Variants in LRRC4B observed in about 807,000 individuals in gnomAD.
LRRC4B encodes the protein leucine-rich repeat-containing protein 4B.
A neutral mutation model predicts 7.3 loss-of-function variants in LRRC4B; 1 was observed. The ratio of observed to expected loss-of-function variants is 0.14; its 90% confidence interval spans 0.05 to 0.65. The LOEUF is 0.65. LRRC4B is among the 30% of genes least tolerant of loss of function. The probability of loss-of-function intolerance (pLI) is 0.84; values close to 1 mark genes in which losing one functional copy is unlikely to be tolerated. For synonymous variants in LRRC4B, 500 were observed against 499.2 expected (o/e 1.00, Z -0.02); for missense variants, 730 against 1,041.6 (o/e 0.70, Z 4.12).
intron 2 of LRRC4B, among the ~76,000 whole-genome samples, chr19:50,525,649 A>G (rs1442345213): frequency 6.8e-6 from 1 of 148,068 alleles, no homozygotes; most frequent in African/African-American, 2.5e-5. Flanking sequence ...TGAACTCCTG[A>G]CCTCAGGTGA....
At chr19:50,527,341 CTT>C (rs1321559157) in intron 2 of LRRC4B, among the ~76,000 whole-genome samples, 1 of 121,084 alleles carries the variant, frequency 8.3e-6, no homozygotes, top group Admixed American at 1.0e-4. Flanking sequence ...TGTTTTCTTT[CTT>C]TTTTCTTTTT....
At chr19:50,539,715 C>G (rs1465713325) in intron 2 of LRRC4B, among the ~76,000 whole-genome samples, 1 of 151,648 alleles carries the variant, frequency 6.6e-6, no homozygotes, top group East Asian at 1.9e-4. Flanking sequence ...GGTGAAACCC[C>G]GTCTCTACCA....
chr19:50,553,242 G>A lies in LRRC4B; in HGVS notation c.-35-4369C>T, dbSNP rs1171821394. Among the ~76,000 whole-genome samples, 3 of 151,772 alleles carry A rather than the reference G, an allele frequency of 2.0e-5. No homozygotes were observed. Among genetic ancestry groups the A allele is most frequent in the Non-Finnish European group, 4.4e-5 (3 of 67,940 alleles). On this transcript the variant is annotated intron_variant, in intron 1 of 2. Coordinates refer to ENST00000652263, the MANE Select transcript of LRRC4B (RefSeq NM_001080457.2). This position sits in a 1 kb window ranked among gnomAD's most constrained non-coding sequence, Gnocchi z 4.2. The stretch of plus-strand genomic sequence containing the variant: ...ATTTCTGCCTTCACCCCCACTCCCC[G>A]TGCGTTCCCCACGGGCAGCGAGGGG...
chr19:50,557,671 A>C (rs1455813790), intron 1 of LRRC4B: 1 of 107,930 alleles, frequency 9.3e-6, no homozygotes, highest in Admixed American at 1.3e-4. Flanking sequence ...AATTAACAGC[A>C]GGTTTCAGAA....
chr19:50,564,382 A>G (rs909898471), intron 1 of LRRC4B, among the ~76,000 whole-genome samples: 1 of 151,994 alleles, frequency 6.6e-6, no homozygotes, highest in Non-Finnish European at 1.5e-5. Context: ...ACGGGGAAGG[A>G]GCAGGGGAGG....
At position 50,517,631 on chromosome 19, in the gene LRRC4B, G is replaced by A; in HGVS notation, c.2082C>T (p.Ile694=). The change falls in exon 3 of 3, where the codon ATC becomes ATT. Residue 694 remains isoleucine, a synonymous_variant. Transcript: ENST00000652263. The surrounding 1 kb of genome is among the most constrained non-coding windows in gnomAD (Gnocchi z 6.6). ...GGKGPPGLNS[I]HEPLLFKSGS... The stretch of plus-strand genomic sequence containing the variant: ...CGCTCTTGAAGAGCAGAGGTTCGTG[G>A]ATGGAGTTGAGGCCAGGCGGGCCTT... 2 of 1,489,086 alleles carry A rather than the reference G, an allele frequency of 1.3e-6. No individual in the cohort carries two copies. Among genetic ancestry groups the A allele is most frequent in the African/African-American group, 2.9e-5 (2 of 68,196 alleles). 92.2% of individuals were successfully genotyped at this position (1,489,086 alleles called of 1,614,324 possible). A position where few individuals can be genotyped will look rare whatever the true frequency, so the allele number is the denominator to read the frequency against.
chr19:50,546,945 T>C (rs576314080), intron 2 of LRRC4B, among the ~76,000 whole-genome samples: 290 of 152,356 alleles, frequency 1.9e-3, no homozygotes, highest in African/African-American at 6.8e-3. Flanking sequence ...CTGCCGGGGC[T>C]AGGGCTGGGC....
At chr19:50,564,970 C>G (rs960749319) in intron 1 of LRRC4B, among the ~76,000 whole-genome samples, 1 of 152,110 alleles carries the variant, frequency 6.6e-6, no homozygotes, top group African/African-American at 2.4e-5. Flanking sequence ...CATGTGTGCA[C>G]AGGCTCTGCT....
rs539148821 is a variant in LRRC4B at position 50,530,975 on chromosome 19, C to T, written c.298-11560G>A. Among the ~76,000 whole-genome samples, 22 of 151,916 alleles carry T rather than the reference C, an allele frequency of 1.4e-4. No homozygotes were observed. In the East Asian group the frequency reaches 3.9e-3, roughly 27 times the overall value. On this transcript the variant is annotated intron_variant, in intron 2 of 2. Coordinates refer to ENST00000652263, the MANE Select transcript of LRRC4B (RefSeq NM_001080457.2). ...GTTGGTCAGGCTGGTCTCGAACTCC[C>T]GACCTCAGGTGATCCACCTGCCTTG...
intron 1 of LRRC4B, among the ~76,000 whole-genome samples, chr19:50,551,310 G>A (rs552285175): frequency 6.7e-6 from 1 of 148,896 alleles, no homozygotes; most frequent in African/African-American, 2.5e-5. Flanking sequence ...AGATCGTGCT[G>A]GGGGGGGCGC....
Position 50,523,571 on chromosome 19 carries a change from G to A in LRRC4B, c.298-4156C>T, listed in dbSNP as rs1009269661. Reference sequence around the variant, plus strand: ...GGGGTGCCTGTAATCCCAGTTACTCGGGAGACTGAGGCAAGAGGGAGGCGG... The same window carrying A: ...GGGGTGCCTGTAATCCCAGTTACTCAGGAGACTGAGGCAAGAGGGAGGCGG... On this transcript the variant is annotated intron_variant, in intron 2 of 2. Transcript: ENST00000652263. 6.6e-5 allele frequency among the ~76,000 whole-genome samples: 10 copies of A among 151,914 alleles called. No homozygotes were observed. The South Asian group carries it at 1.3e-3, about 19-fold the overall frequency.
intron 2 of LRRC4B, among the ~76,000 whole-genome samples, chr19:50,527,101 C>T (rs1388305290): frequency 4.0e-5 from 6 of 150,874 alleles, no homozygotes; most frequent in South Asian, 2.1e-4. Context: ...GGCACAATCC[C>T]GGCTTACTGC....
At chr19:50,543,923 T>C (rs991029608) in intron 2 of LRRC4B, among the ~76,000 whole-genome samples, 6 of 150,274 alleles carry the variant, frequency 4.0e-5, no homozygotes, top group Non-Finnish European at 5.9e-5. Context: ...AACAGGATGC[T>C]GGCTGGGTGT....
At chr19:50,526,988 G>C (rs530441998) in intron 2 of LRRC4B, among the ~76,000 whole-genome samples, 4 of 149,990 alleles carry the variant, frequency 2.7e-5, no homozygotes, top group Non-Finnish European at 4.4e-5. Context: ...TGAGTAGCTG[G>C]GATTACAGGC....
intron 2 of LRRC4B, among the ~76,000 whole-genome samples, chr19:50,540,134 T>G (rs999494168): frequency 2.0e-5 from 3 of 152,186 alleles, no homozygotes; most frequent in African/African-American, 7.2e-5. Context: ...CATCCACTAT[T>G]ATTTGAAACT....
In LRRC4B at chr19:50,517,338, C is replaced by T. The variant is rs1190438533; in HGVS notation, c.*233G>A. On this transcript the variant is annotated 3_prime_UTR_variant, in exon 3 of 3. Coordinates refer to ENST00000652263, the MANE Select transcript of LRRC4B (RefSeq NM_001080457.2). This position sits in a 1 kb window ranked among gnomAD's most constrained non-coding sequence, Gnocchi z 6.6. ...TGGGTCCCACGTCCCCTCCCGTCAC[C>T]GGGGATTGGCGGGGGTGAGGCGAGG... The T allele has an allele frequency of 2.4e-5, 9 of 376,170 alleles. No homozygotes were observed. Among genetic ancestry groups the T allele is most frequent in the African/African-American group, 1.7e-4 (8 of 48,020 alleles). The allele number at this position is 376,170 out of a possible 1,614,324, so 23.3% of individuals were successfully genotyped here.
chr19:50,549,742 G>A (rs1007542661), intron 1 of LRRC4B, among the ~76,000 whole-genome samples: 2 of 152,204 alleles, frequency 1.3e-5, no homozygotes, highest in African/African-American at 4.8e-5. Flanking sequence ...GGGCGGCACA[G>A]GCCGAGAGGC....
chr19:50,548,574 G>T lies in LRRC4B; in HGVS notation c.265C>A (p.Arg89=), dbSNP rs767479302. 1 of 1,601,846 alleles carries T rather than the reference G, an allele frequency of 6.2e-7. No homozygotes were observed. ...CCGTTCTCTTGCAGGTTCAGGTACCGCGTGTTGACCGGGATGCTGGCTGGG... is the reference window on the plus strand; with the variant it reads ...CCGTTCTCTTGCAGGTTCAGGTACCTCGTGTTGACCGGGATGCTGGCTGGG... ...EVPASIPVNT[R]YLNLQENGIQ... Residue 89 remains arginine, a synonymous_variant, in exon 2 of 3, where the codon CGG becomes AGG. Transcript: ENST00000652263. This position sits in a 1 kb window ranked among gnomAD's most constrained non-coding sequence, Gnocchi z 6.8.
chr19:50,517,668 C>T lies in LRRC4B; in HGVS notation c.2045G>A (p.Gly682Asp). 2.0e-6 allele frequency: 3 copies of T among 1,525,560 alleles called. No individual in the cohort carries two copies. The highest frequency in any genetic ancestry group is 1.4e-5 in the African/African-American group (1 of 69,520). The allele number at this position is 1,525,560 out of a possible 1,614,324, so 94.5% of individuals were successfully genotyped here. The change falls in exon 3 of 3, where the codon GGC (glycine) becomes GAC (aspartate). Residue 682 changes from glycine to aspartate, a missense_variant. By Grantham distance (94) the Gly-to-Asp change is moderately conservative. Transcript: ENST00000652263. This position sits in a 1 kb window ranked among gnomAD's most constrained non-coding sequence, Gnocchi z 6.6. ...GCCAGGCGGGCCTTTGCCCCCGCAG[C>T]CCCCGCCGCTGGGGTTGCTGCTGTA... ...AHYSSNPSGG[G>D]CGGKGPPGLN...
Sources: allele counts gnomAD v4.1 joint callset (sites outside exome capture counted in the v4.1 genomes callset), GRCh38; gene constraint gnomAD v4.1.1; non-coding constraint Gnocchi (gnomAD v3.1); transcripts MANE v1.5; gene names NCBI Gene and HGNC (gene_info 2026-07-23, HGNC 2026-07-21).